The following GADL1 variants were observed in gnomAD, a reference collection of about 807,000 sequenced individuals.
GADL1 encodes GAD like acidic amino acid decarboxylase 1, also known as acidic amino acid decarboxylase GADL1.
GADL1 carries 71 observed loss-of-function variants against 69.5 expected under a neutral mutation model. That is an observed-to-expected ratio of 1.02 (90% confidence interval 0.84 to 1.25). GADL1 has a LOEUF of 1.25. Ranked by LOEUF, GADL1 falls within the 50% of genes most tolerant of loss-of-function variation. The pLI, the probability that GADL1 is intolerant of heterozygous loss-of-function variation, is 0.00. For missense variants in GADL1, 737 were observed against 631.8 expected, an observed-to-expected ratio of 1.17 and a Z score of -1.79; for synonymous variants, 254 against 214.4, an observed-to-expected ratio of 1.18 and a Z score of -1.62.
chr3:30,767,481 C>A (rs1003341344), intron 14 of GADL1, among the ~76,000 whole-genome samples: 1 of 151,768 alleles, frequency 6.6e-6, no homozygotes, highest in Admixed American at 6.6e-5. Context: ...AACATAAGAC[C>A]CCATAATAAA....
intron 11 of GADL1, among the ~76,000 whole-genome samples, chr3:30,814,984 T>G (rs61062039): frequency 6.6e-6 from 1 of 150,638 alleles, no homozygotes. Flanking sequence ...AAAAAAAAAT[T>G]TTTTTCATTA....
At chr3:30,882,080 T>C (rs1211824895) in intron 1 of GADL1, among the ~76,000 whole-genome samples, 2 of 151,982 alleles carry the variant, frequency 1.3e-5, no homozygotes, top group Non-Finnish European at 2.9e-5. Flanking sequence ...CTAAGACAGT[T>C]TGACAAGTTT....
At chr3:30,841,593 C>T (rs1403058303) in intron 8 of GADL1, among the ~76,000 whole-genome samples, 1 of 152,058 alleles carries the variant, frequency 6.6e-6, no homozygotes, top group Non-Finnish European at 1.5e-5. Context: ...GCAGTGTTTC[C>T]TTAGGGAAAC....
intron 6 of GADL1, among the ~76,000 whole-genome samples, chr3:30,847,075 T>C (rs1039122672): frequency 4.6e-5 from 7 of 152,186 alleles, no homozygotes; most frequent in Non-Finnish European, 1.0e-4. Context: ...ATACAGGAAC[T>C]TTACAAACAC....
intron 11 of GADL1, among the ~76,000 whole-genome samples, chr3:30,811,702 G>A (rs947129450): frequency 6.6e-6 from 1 of 151,908 alleles, no homozygotes; most frequent in African/African-American, 2.4e-5. Flanking sequence ...TAATTTAAAG[G>A]AAAAAAATAA....
intron 8 of GADL1, among the ~76,000 whole-genome samples, chr3:30,843,404 C>T (rs896984756): frequency 1.3e-4 from 19 of 151,996 alleles, no homozygotes; most frequent in African/African-American, 3.6e-4. Context: ...TACAGGCATG[C>T]ACCACCACGC....
chr3:30,882,015 T>C (rs1238283474), intron 1 of GADL1, among the ~76,000 whole-genome samples: 1 of 151,894 alleles, frequency 6.6e-6, no homozygotes, highest in African/African-American at 2.4e-5. Context: ...CCAATAAAAT[T>C]GTTTATTATA....
intron 11 of GADL1, among the ~76,000 whole-genome samples, chr3:30,801,409 T>G (rs1298014486): frequency 6.6e-6 from 1 of 152,086 alleles, no homozygotes; most frequent in Non-Finnish European, 1.5e-5. Flanking sequence ...TAAAACTGTC[T>G]ATAACTCAAA....
intron 1 of GADL1, among the ~76,000 whole-genome samples, chr3:30,887,214 G>A (rs544606566): frequency 7.2e-5 from 11 of 152,258 alleles, no homozygotes; most frequent in African/African-American, 2.6e-4. Flanking sequence ...ACACACTAGG[G>A]TTGTACAAAC....
chr3:30,794,968 G>A (rs1559501906), intron 12 of GADL1, among the ~76,000 whole-genome samples: 1 of 152,170 alleles, frequency 6.6e-6, no homozygotes, highest in African/African-American at 2.4e-5. Flanking sequence ...GAGTTGCACA[G>A]CTTTTCCAGT....
At chr3:30,786,501 A>C (rs564558594) in intron 12 of GADL1, 95 bp from the exon 13 acceptor site, 34 of 706,874 alleles carry the variant, frequency 4.8e-5, no homozygotes, top group African/African-American at 2.9e-4. Context: ...CAGGGCTTGG[A>C]GATAAGAAAG....
intron 1 of GADL1, among the ~76,000 whole-genome samples, chr3:30,884,462 G>A (rs139895686): frequency 9.9e-5 from 15 of 152,054 alleles, no homozygotes; most frequent in African/African-American, 3.1e-4. Flanking sequence ...CTAAATCCAC[G>A]AGAGATGGAA....
At position 30,778,216 on chromosome 3, in the gene GADL1, ATC is replaced by A. The variant is rs375804706; in HGVS notation, c.1353_1354del (p.Glu451AspfsTer12). On this transcript the variant is annotated frameshift_variant, in exon 14 of 15. Transcript: ENST00000282538. LOFTEE classifies it high-confidence loss of function. The stretch of plus-strand genomic sequence containing the variant: ...TGCCCAGAACTCGGGTCCTTCTTCC[ATC>A]TCTCTGAGGCTCGGTGGAATGTACC... 504 of 1,612,670 alleles carry A rather than the reference ATC, an allele frequency of 3.1e-4. 7 individuals are homozygous for A. In the South Asian group the frequency reaches 5.1e-3, roughly 16 times the overall value.
At chr3:30,766,887 G>A (rs990750061) in intron 14 of GADL1, among the ~76,000 whole-genome samples, 1 of 152,162 alleles carries the variant, frequency 6.6e-6, no homozygotes, top group Non-Finnish European at 1.5e-5. Flanking sequence ...TGGACTTTAG[G>A]AAGTCTATTA....
intron 11 of GADL1, among the ~76,000 whole-genome samples, chr3:30,808,862 T>C (rs1221652793): frequency 6.6e-6 from 1 of 152,236 alleles, no homozygotes; most frequent in East Asian, 1.9e-4. Context: ...ATGATAAGAA[T>C]GAGAGCAGGT....
At chr3:30,746,750 A>G (rs544847610) in intron 14 of GADL1, among the ~76,000 whole-genome samples, 1 of 152,330 alleles carries the variant, frequency 6.6e-6, no homozygotes, top group East Asian at 1.9e-4. Context: ...GATGCAAGAA[A>G]ACAATGGACA....
At chr3:30,797,718 T>C (rs1697073444) in intron 12 of GADL1, 1 of 152,118 alleles carries the variant, frequency 6.6e-6, no homozygotes, top group Non-Finnish European at 1.5e-5. Context: ...GACTGTGTTT[T>C]TCCAGAGTCA....
intron 4 of GADL1, among the ~76,000 whole-genome samples, chr3:30,851,687 T>C (rs6807451): frequency 0.55 from 83,359 of 151,966 alleles, 26,278 homozygotes; most frequent in African/African-American, 0.86. Flanking sequence ...CGTCTGGGCC[T>C]AACTCCAGAC....
chr3:30,778,915 G>A (rs1696596541), intron 13 of GADL1: 1 of 152,182 alleles, frequency 6.6e-6, no homozygotes, highest in African/African-American at 2.4e-5. Flanking sequence ...AATGTCCAAT[G>A]TCTAAGTCCA....
Sources: allele counts gnomAD v4.1 joint callset (sites outside exome capture counted in the v4.1 genomes callset), GRCh38; gene constraint gnomAD v4.1.1; transcripts MANE v1.5; gene names NCBI Gene and HGNC (gene_info 2026-07-23, HGNC 2026-07-21).